Variants in ZNF263 observed in about 807,000 individuals in gnomAD.
ZNF263 encodes zinc finger protein FPM315.
Under a neutral mutation model 63.1 loss-of-function variants are expected in ZNF263, and 49 were observed. The observed-to-expected ratio is 0.78, with a 90% confidence interval of 0.62 to 0.99. The LOEUF is 0.99. Among genes scored for constraint, ZNF263 ranks in the 50% least tolerant of loss-of-function variants. The pLI, the probability that ZNF263 is intolerant of heterozygous loss-of-function variation, is 0.00. For synonymous variants in ZNF263, 352 were observed against 324.2 expected (o/e 1.09, Z -0.92); for missense variants, 872 against 854.8 (o/e 1.02, Z -0.25).
chr16:3,290,119 G>T lies in ZNF263; in HGVS notation c.1613G>T (p.Arg538Ile), dbSNP rs1959552247. Residue 538 changes from arginine (R) to isoleucine (I), a missense_variant, in exon 6 of 6, where the codon AGA (arginine) becomes ATA (isoleucine). By Grantham distance (97) the Arg-to-Ile change is moderately conservative. Transcript: ENST00000219069. ...AGTTCACACCTCGTCATTCACGAAA[G>T]AACTCATGAGAGAGAGAGACTTTAC... ...SRSSHLVIHERTHERERLYPF... is the reference protein window; with the variant it reads ...SRSSHLVIHEITHERERLYPF... 2 of 1,614,150 alleles carry T rather than the reference G, an allele frequency of 1.2e-6. No homozygotes were observed. The highest frequency in any genetic ancestry group is 1.7e-6 in the Non-Finnish European group (2 of 1,180,028).
At position 3,284,722 on chromosome 16, in the gene ZNF263, C is replaced by T. The variant is rs1263673097; in HGVS notation, c.388-337C>T. Among the ~76,000 whole-genome samples, 7 of 152,186 alleles carry T rather than the reference C, an allele frequency of 4.6e-5. No homozygotes were observed. The East Asian group carries it at 7.7e-4, about 17-fold the overall frequency. ...TGAACTTTGAAAGATAATTTGGCAC[C>T]GAGGCCCTGAGGTCATTGGTCCCCA... On this transcript the variant is annotated intron_variant, in intron 1 of 5. Transcript: ENST00000219069.
chr16:3,295,524 C>CG (rs1567256423), downstream of ZNF263, among the ~76,000 whole-genome samples: 1 of 140,688 alleles, frequency 7.1e-6, no homozygotes, highest in Non-Finnish European at 1.5e-5. Flanking sequence ...AAAACTCCCC[C>CG]GTCGGCCCTC....
Position 3,284,082 on chromosome 16 carries a change from G to A in ZNF263, c.264G>A (p.Gln88=), listed in dbSNP as rs1163211225. The A allele has an allele frequency of 3.1e-6, 5 of 1,613,484 alleles. No individual in the cohort carries two copies. The highest frequency in any genetic ancestry group is 2.2e-5 in the East Asian group (1 of 44,848). Residue 88 remains glutamine, a synonymous_variant, in exon 1 of 6, where the codon CAG becomes CAA. Transcript: ENST00000219069. The stretch of plus-strand genomic sequence containing the variant: ...TCTTGGAGCTGCTGGTGTTAGAGCA[G>A]TTCCTGACCATCCTGCCCCAGGAGA... ...EQILELLVLE[Q]FLTILPQEIQ...
At chr16:3,298,022 A>G (rs1045651164) in intron 1 of ZNF263, among the ~76,000 whole-genome samples, 4 of 152,246 alleles carry the variant, frequency 2.6e-5, no homozygotes, top group Non-Finnish European at 5.9e-5. Context: ...GCAATTTAAC[A>G]GCGTGTATCG....
chr16:3,285,065 A>G lies in ZNF263; in HGVS notation c.394A>G (p.Asn132Asp), dbSNP rs1444227536. 1 of 1,614,136 alleles carries G rather than the reference A, an allele frequency of 6.2e-7. No homozygotes were observed. Among genetic ancestry groups the G allele is most frequent in the Admixed American group, 1.7e-5 (1 of 60,024 alleles). Residue 132 changes from asparagine (N) to aspartate (D), a missense_variant, in exon 2 of 6, where the codon AAC becomes GAC. Coordinates refer to ENST00000219069, the MANE Select transcript of ZNF263 (RefSeq NM_005741.5). ...ELGRLRQQVT[N>D]HGRGTEVLLE... ...GATGTGGGTTGGTTCCCAGGTCACA[A>G]ACCATGGGCGGGGAACAGAAGTGCT...
At chr16:3,287,069 ACT>A (rs921282251) in intron 4 of ZNF263, among the ~76,000 whole-genome samples, 9 of 152,036 alleles carry the variant, frequency 5.9e-5, no homozygotes, top group African/African-American at 2.2e-4. Flanking sequence ...ACAGAGTGAG[ACT>A]CTGTTTCAAA....
chr16:3,289,621 T>A lies in ZNF263; in HGVS notation c.1115T>A (p.Leu372Gln). The A allele has an allele frequency of 6.2e-7, 1 of 1,614,182 alleles. No homozygotes were observed. The highest frequency in any genetic ancestry group is 1.1e-5 in the South Asian group (1 of 91,082). The change falls in exon 6 of 6, where the codon CTG (leucine) becomes CAG (glutamine). Residue 372 changes from leucine (L) to glutamine (Q), a missense_variant. Leu to Gln is a moderately radical substitution (Grantham distance 113, BLOSUM62 -2). Coordinates refer to ENST00000219069, the MANE Select transcript of ZNF263 (RefSeq NM_005741.5). ...AGAGAACTGGGGCGACCGAAGGAAC[T>A]GCAGCCAAAGAAACTCCATTTATGT... Reference protein sequence around the residue: ...SGRELGRPKELQPKKLHLCPL... With the variant: ...SGRELGRPKEQQPKKLHLCPL...
In ZNF263 at chr16:3,298,776, A is replaced by T. The variant is rs538307125; in HGVS notation, c.152-330A>T. On this transcript the variant is annotated intron_variant, in intron 1 of 2. Transcript: ENST00000574674. ...TTATTCAGATCCTTGTGTAAAATTTAAAAAAATGAATTTATGAAACACAAA... is the reference window on the plus strand; with the variant it reads ...TTATTCAGATCCTTGTGTAAAATTTTAAAAAATGAATTTATGAAACACAAA... 8.2e-4 allele frequency: 306 copies of T among 371,932 alleles called. 3 individuals carry two copies. The East Asian group carries it at 0.011, about 13-fold the overall frequency. The allele number at this position is 371,932 out of a possible 1,614,324, so 23.0% of individuals were successfully genotyped here.
chr16:3,289,309 C>T (rs1959504888), intron 5 of ZNF263, 84 bp from the exon 6 acceptor site: 4 of 1,437,804 alleles, frequency 2.8e-6, no homozygotes, highest in Admixed American at 5.0e-5. Context: ...GGCTGCTGAC[C>T]TAACAGGCAG....
chr16:3,294,854 G>C (rs1476236428), downstream of ZNF263, among the ~76,000 whole-genome samples: 1 of 152,200 alleles, frequency 6.6e-6, no homozygotes, highest in East Asian at 1.9e-4. Context: ...TATTTCTCCA[G>C]GCAGCGAGAA....
intron 2 of ZNF263, chr16:3,299,407 A>G: frequency 1.3e-6 from 2 of 1,553,676 alleles, no homozygotes; most frequent in Non-Finnish European, 1.7e-6. Flanking sequence ...CTTTTTGTAA[A>G]GAAGATTTTC....
At chr16:3,287,382 A>G (rs899008726) in intron 4 of ZNF263, among the ~76,000 whole-genome samples, 1 of 147,018 alleles carries the variant, frequency 6.8e-6, no homozygotes. Context: ...CTGGAATTAC[A>G]GGTGTGAGCC....
At chr16:3,300,359 T>C (rs749687263) in intron 2 of ZNF263, 3 of 1,614,260 alleles carry the variant, frequency 1.9e-6, no homozygotes, top group Non-Finnish European at 2.5e-6. Context: ...TGGTACCACA[T>C]GTAGACCGCA....
rs1959340626 is a variant in ZNF263 at position 3,286,027 on chromosome 16, C to T, written c.647C>T (p.Pro216Leu). The T allele has an allele frequency of 6.2e-7, 1 of 1,613,818 alleles. No individual in the cohort carries two copies. Among genetic ancestry groups the T allele is most frequent in the Non-Finnish European group, 8.5e-7 (1 of 1,179,912 alleles). Residue 216 changes from proline (P) to leucine (L), a missense_variant, in exon 4 of 6, where the codon CCT (proline) becomes CTT (leucine). Pro to Leu is a moderately conservative substitution (Grantham distance 98). Transcript: ENST00000219069. ...GGAGATCTTGTGCTGTTTCAGTTGC[C>T]TGAGAGCTTAGAGGACGTGGCAATG... ...EDKEMTGPQL[P>L]ESLEDVAMYI...
At position 3,285,164 on chromosome 16, in the gene ZNF263, C is replaced by G. The variant is rs771932436; in HGVS notation, c.493C>G (p.Arg165Gly). The G allele has an allele frequency of 1.2e-6, 2 of 1,614,050 alleles. No homozygotes were observed. The highest frequency in any genetic ancestry group is 1.7e-6 in the Non-Finnish European group (2 of 1,180,024). ...SFKLEPMETE[R>G]SPGPRLQELL... ...CAAGCTGGAGCCAATGGAGACTGAG[C>G]GAAGCCCTGGCCCCAGGCTGCAGGA... Residue 165 changes from arginine to glycine, a missense_variant, in exon 2 of 6, where the codon CGA becomes GGA. Coordinates refer to ENST00000219069, the MANE Select transcript of ZNF263 (RefSeq NM_005741.5).
In ZNF263 at chr16:3,284,004, C is replaced by T; in HGVS notation, c.186C>T (p.Leu62=). 1 of 1,613,850 alleles carries T rather than the reference C, an allele frequency of 6.2e-7. No individual in the cohort carries two copies. Among genetic ancestry groups the T allele is most frequent in the Admixed American group, 1.7e-5 (1 of 60,016 alleles). ...AAGPREALSR[L]QELCHGWLRP... is the part of the protein sequence containing the mutation. ...GTCCCCGGGAAGCCCTCAGCCGGCT[C>T]CAAGAGCTTTGCCATGGGTGGCTTC... Residue 62 remains leucine (L), a synonymous_variant, in exon 1 of 6, where the codon CTC becomes CTT. Coordinates refer to ENST00000219069, the MANE Select transcript of ZNF263 (RefSeq NM_005741.5).
intron 5 of ZNF263, 31 bp from the exon 6 acceptor site, chr16:3,289,362 T>A: frequency 6.7e-7 from 1 of 1,497,706 alleles, no homozygotes. Context: ...ATAGAAATAA[T>A]GTACGGGTTT....
intron 5 of ZNF263, 115 bp downstream of exon 5, chr16:3,288,685 G>A (rs1959476649): frequency 3.0e-6 from 2 of 664,758 alleles, no homozygotes; most frequent in Non-Finnish European, 5.1e-6. Flanking sequence ...CACTCTTGTT[G>A]CCCAGGCTGG....
downstream of ZNF263, among the ~76,000 whole-genome samples, chr16:3,295,848 T>TG (rs1360780617): frequency 6.6e-6 from 1 of 151,648 alleles, no homozygotes; most frequent in African/African-American, 2.4e-5. Context: ...ATCCAGGAGG[T>TG]GGAGCGGTCA....
Sources: allele counts gnomAD v4.1 joint callset (sites outside exome capture counted in the v4.1 genomes callset), GRCh38; gene constraint gnomAD v4.1.1; transcripts MANE v1.5; gene names NCBI Gene and HGNC (gene_info 2026-07-23, HGNC 2026-07-21).